NEMP2: variants seen among roughly 807,000 people sequenced by gnomAD.
NEMP2 encodes UPF0571 transmembrane protein.
NEMP2 carries 53 observed loss-of-function variants against 54.2 expected under a neutral mutation model. That is an observed-to-expected ratio of 0.98 (90% CI 0.78 to 1.23). The LOEUF is 1.23. Among genes scored for constraint, NEMP2 ranks in the 50% most tolerant of loss-of-function variants. The probability of loss-of-function intolerance (pLI) is 0.00; values close to 1 mark genes in which losing one functional copy is unlikely to be tolerated. For missense variants in NEMP2, 455 were observed against 511.3 expected (o/e 0.89, Z 1.06); for synonymous variants, 197 against 190.3 (o/e 1.04, Z -0.29).
the NEMP2 span, among the ~76,000 whole-genome samples, chr2:190,582,696 G>C: frequency 6.6e-6 from 1 of 152,184 alleles, no homozygotes; most frequent in African/African-American, 2.4e-5. The surrounding 1 kb of genome is among the most constrained non-coding windows in gnomAD (Gnocchi z 4.6). Flanking sequence ...GACTCTGTAC[G>C]AGCAAGAGCA....
At chr2:190,446,780 G>A in the NEMP2 span, among the ~76,000 whole-genome samples, 2 of 152,148 alleles carry the variant, frequency 1.3e-5, no homozygotes, top group East Asian at 1.9e-4. Flanking sequence ...ATGAATACTC[G>A]GTTCTGGTCT....
At chr2:190,573,646 G>C in the NEMP2 span, among the ~76,000 whole-genome samples, 2 of 152,160 alleles carry the variant, frequency 1.3e-5, no homozygotes, top group East Asian at 3.8e-4. Context: ...AAATCTTTGG[G>C]TGTTTTGAAG....
chr2:190,564,169 T>A, the NEMP2 span, among the ~76,000 whole-genome samples: 3 of 152,250 alleles, frequency 2.0e-5, no homozygotes, highest in Non-Finnish European at 4.4e-5. The surrounding 1 kb of genome is among the most constrained non-coding windows in gnomAD (Gnocchi z 4.2). Context: ...ATGAATCCAA[T>A]CTTGAAGAGG....
chr2:190,499,871 C>T (rs147620680), downstream of NEMP2: 20 of 1,552,550 alleles, frequency 1.3e-5, no homozygotes, highest in East Asian at 4.9e-4. The surrounding 1 kb of genome is among the most constrained non-coding windows in gnomAD (Gnocchi z 6.0). Context: ...GACATTCTAT[C>T]CTTATTCCTC....
At chr2:190,585,581 G>A in the NEMP2 span, among the ~76,000 whole-genome samples, 1 of 152,166 alleles carries the variant, frequency 6.6e-6, no homozygotes. This position sits in a 1 kb window ranked among gnomAD's most constrained non-coding sequence, Gnocchi z 5.3. Context: ...CCTTGGCTAG[G>A]TGCCCTTGCA....
At chr2:190,422,957 A>G in the NEMP2 span, among the ~76,000 whole-genome samples, 28,010 of 151,938 alleles carry the variant, frequency 0.18, 2,685 homozygotes, top group East Asian at 0.29. Flanking sequence ...TACAAAGTCA[A>G]CACTTCATGA....
chr2:190,647,200 A>G, the NEMP2 span, among the ~76,000 whole-genome samples: 1 of 152,246 alleles, frequency 6.6e-6, no homozygotes, highest in African/African-American at 2.4e-5. Flanking sequence ...TTCATTTGAA[A>G]TATCAACTCA....
the NEMP2 span, among the ~76,000 whole-genome samples, chr2:190,630,264 G>C: frequency 6.6e-6 from 1 of 152,130 alleles, no homozygotes; most frequent in East Asian, 1.9e-4. This position sits in a 1 kb window ranked among gnomAD's most constrained non-coding sequence, Gnocchi z 5.5. Context: ...ATGGAGTCTC[G>C]CTCTGTTGCC....
Position 190,507,797 on chromosome 2 carries a change from T to A in NEMP2, c.*1392A>T, listed in dbSNP as rs1690229287. 1 of 152,200 alleles carries A rather than the reference T, an allele frequency of 6.6e-6. No homozygotes were observed. The highest frequency in any genetic ancestry group is 6.5e-5 in the Admixed American group (1 of 15,282). 9.4% of individuals were successfully genotyped at this position (152,200 alleles called of 1,614,324 possible). A position where few individuals can be genotyped will look rare whatever the true frequency, so the allele number is the denominator to read the frequency against. On this transcript the variant is annotated 3_prime_UTR_variant, in exon 9 of 9. Transcript: ENST00000409150. The surrounding 1 kb of genome is among the most constrained non-coding windows in gnomAD (Gnocchi z 4.4). ...CTCTTTTTTCATGATTTAGAAAAAC[T>A]ACTTAATTTGGCTCAGGAAAGCAGC...
the NEMP2 span, among the ~76,000 whole-genome samples, chr2:190,571,911 G>C: frequency 6.6e-5 from 10 of 151,946 alleles, no homozygotes; most frequent in Non-Finnish European, 1.5e-5. Context: ...ATAGATTCTT[G>C]GTCTCTCTAC....
chr2:190,475,794 C>T, the NEMP2 span, among the ~76,000 whole-genome samples: 1 of 152,196 alleles, frequency 6.6e-6, no homozygotes, highest in Admixed American at 6.5e-5. Context: ...AGGCATCACA[C>T]TACCTGACTT....
rs748795957 is a variant in NEMP2, at chr2:190,518,751, G to C, written c.503C>G (p.Ala168Gly). 2 of 1,543,736 alleles carry C rather than the reference G, an allele frequency of 1.3e-6. No individual in the cohort carries two copies. Among genetic ancestry groups the C allele is most frequent in the Non-Finnish European group, 1.7e-6 (2 of 1,145,070 alleles). The change falls in exon 4 of 9, where the codon GCA (alanine) becomes GGA (glycine). Residue 168 changes from alanine (A) to glycine (G), a missense_variant. Coordinates refer to ENST00000409150, the MANE Select transcript of NEMP2 (RefSeq NM_001142645.2). ...FVAGVFLFFYARTLSQSPTFY... is the reference protein window; with the variant it reads ...FVAGVFLFFYGRTLSQSPTFY... ...GAATACTTACTGACTCAGGGTCCTT[G>C]CATAAAAGAAAAGAAAAACTCCTGC...
At chr2:190,458,818 C>T in the NEMP2 span, among the ~76,000 whole-genome samples, 4 of 152,300 alleles carry the variant, frequency 2.6e-5, no homozygotes, top group Middle Eastern at 3.4e-3. This position sits in a 1 kb window ranked among gnomAD's most constrained non-coding sequence, Gnocchi z 5.3. Flanking sequence ...TCTCAGATGA[C>T]GCGATCAGAA....
rs1336203492 is a variant in NEMP2, at chr2:190,512,610, C to T, written c.953+1843G>A. On this transcript the variant is annotated intron_variant, in intron 7 of 8. Transcript: ENST00000409150. This position sits in a 1 kb window ranked among gnomAD's most constrained non-coding sequence, Gnocchi z 4.5. Reference sequence around the variant, plus strand: ...CACAAAAGAACCATTGTGCAGAACACACTCTGCTCTTGGCAGGGAGCTGGA... The same window carrying T: ...CACAAAAGAACCATTGTGCAGAACATACTCTGCTCTTGGCAGGGAGCTGGA... Among the ~76,000 whole-genome samples, 1 of 152,216 alleles carries T rather than the reference C, an allele frequency of 6.6e-6. No individual in the cohort carries two copies. Among genetic ancestry groups the T allele is most frequent in the Non-Finnish European group, 1.5e-5 (1 of 68,040 alleles).
chr2:190,437,311 AGCCACTCGCAG>A, the NEMP2 span: 8 of 1,614,130 alleles, frequency 5.0e-6, no homozygotes, highest in Non-Finnish European at 5.9e-6. The surrounding 1 kb of genome is among the most constrained non-coding windows in gnomAD (Gnocchi z 5.9). Flanking sequence ...AACCACCACA[AGCCACTCGCAG>A]GCCTTCAACT....
the NEMP2 span, chr2:190,469,843 G>A: frequency 5.6e-6 from 9 of 1,603,994 alleles, no homozygotes; most frequent in South Asian, 8.9e-5. The surrounding 1 kb of genome is among the most constrained non-coding windows in gnomAD (Gnocchi z 5.3). Flanking sequence ...TCTCCCCATG[G>A]AAGTTCTTCA....
the NEMP2 span, among the ~76,000 whole-genome samples, chr2:190,428,783 C>A: frequency 6.6e-6 from 1 of 152,070 alleles, no homozygotes; most frequent in African/African-American, 2.4e-5. Context: ...AGTGATTCTC[C>A]TGCCTCAGCC....
the NEMP2 span, among the ~76,000 whole-genome samples, chr2:190,453,298 A>G: frequency 1.3e-5 from 2 of 152,064 alleles, no homozygotes; most frequent in Non-Finnish European, 2.9e-5. Context: ...GGCTCTGGGT[A>G]GGGGAAGAGG....
the NEMP2 span, among the ~76,000 whole-genome samples, chr2:190,474,761 C>T: frequency 6.6e-6 from 1 of 151,944 alleles, no homozygotes; most frequent in Non-Finnish European, 1.5e-5. Context: ...CAGACACAAC[C>T]AAAAAAGAGA....
Sources: allele counts gnomAD v4.1 joint callset (sites outside exome capture counted in the v4.1 genomes callset), GRCh38; gene constraint gnomAD v4.1.1; non-coding constraint Gnocchi (gnomAD v3.1); transcripts MANE v1.5; gene names NCBI Gene and HGNC (gene_info 2026-07-23, HGNC 2026-07-21).